The following TLL1 variants were observed in gnomAD, a reference collection of about 807,000 sequenced individuals.
TLL1 encodes tolloid-like protein 1.
A neutral mutation model predicts 128.2 loss-of-function variants in TLL1; 49 were observed. The observed-to-expected ratio is 0.38, with a 90% confidence interval of 0.30 to 0.48. The LOEUF (loss-of-function observed/expected upper bound fraction) is 0.48. Among genes scored for constraint, TLL1 ranks in the 20% least tolerant of loss-of-function variants. The pLI is 0.96. For synonymous variants in TLL1, 454 were observed against 418.8 expected (o/e 1.08, Z -1.03); for missense variants, 1,123 against 1,242.0 (o/e 0.90, Z 1.44).
intron 13 of TLL1, among the ~76,000 whole-genome samples, chr4:166,056,206 TAGA>T (rs1318929970): frequency 6.6e-6 from 1 of 152,094 alleles, no homozygotes; most frequent in Non-Finnish European, 1.5e-5. Flanking sequence ...ATATATTTCA[TAGA>T]AGAAACATGC....
At chr4:166,065,446 T>C (rs1011658725) in intron 15 of TLL1, among the ~76,000 whole-genome samples, 1 of 151,974 alleles carries the variant, frequency 6.6e-6, no homozygotes, top group Non-Finnish European at 1.5e-5. Flanking sequence ...TATAAAAATC[T>C]CTGAACTTCA....
intron 1 of TLL1, among the ~76,000 whole-genome samples, chr4:165,927,046 A>G (rs1733305414): frequency 6.6e-6 from 1 of 152,220 alleles, no homozygotes; most frequent in South Asian, 2.1e-4. Flanking sequence ...GTTATGCTGC[A>G]TATTTAGAAA....
intron 18 of TLL1, among the ~76,000 whole-genome samples, chr4:166,079,816 C>T (rs1741205446): frequency 6.6e-6 from 1 of 152,112 alleles, no homozygotes; most frequent in Non-Finnish European, 1.5e-5. Context: ...TTCCTCAACT[C>T]TTGGATATTC....
At position 165,994,571 on chromosome 4, in the gene TLL1, T is replaced by G. The variant is rs575764944; in HGVS notation, c.514+38T>G. On this transcript the variant is annotated intron_variant, in intron 4 of 20. Coordinates refer to ENST00000061240, the MANE Select transcript of TLL1 (RefSeq NM_012464.5). Reference sequence around the variant, plus strand: ...CAGCATGTCTGTTTTCATAAAGAAATAAAAACTATCATACAGATTAAGTGT... The same window carrying G: ...CAGCATGTCTGTTTTCATAAAGAAAGAAAAACTATCATACAGATTAAGTGT... The G allele has an allele frequency of 5.0e-6, 8 of 1,607,982 alleles. No homozygotes were observed. In the Admixed American group the frequency reaches 8.3e-5, roughly 17 times the overall value.
intron 7 of TLL1, among the ~76,000 whole-genome samples, chr4:166,010,648 T>C (rs569442702): frequency 6.6e-6 from 1 of 151,290 alleles, no homozygotes; most frequent in East Asian, 1.9e-4. Context: ...TGCTGTATGT[T>C]TGATGTCATC....
intron 1 of TLL1, among the ~76,000 whole-genome samples, chr4:165,968,694 A>G (rs377658504): frequency 1.5e-4 from 23 of 152,238 alleles, no homozygotes; most frequent in Admixed American, 5.2e-4. Context: ...TGTCATGTCA[A>G]TTTCTTTTAA....
chr4:165,971,886 TG>T (rs1301187543), intron 1 of TLL1, among the ~76,000 whole-genome samples: 9 of 152,242 alleles, frequency 5.9e-5, no homozygotes, highest in Non-Finnish European at 1.0e-4. Context: ...GTTAGCTCTC[TG>T]GGTTCCAGAA....
At chr4:165,908,344 C>A (rs1024729520) in intron 1 of TLL1, among the ~76,000 whole-genome samples, 1 of 152,078 alleles carries the variant, frequency 6.6e-6, no homozygotes, top group Non-Finnish European at 1.5e-5. Flanking sequence ...CATCCCAGCA[C>A]TTTGGGAGGC....
In TLL1 at chr4:166,042,097, T is replaced by C. The variant is rs768890251; in HGVS notation, c.1332T>C (p.Arg444=). Residue 444 remains arginine (R), a synonymous_variant, in exon 11 of 21, where the codon CGT becomes CGC. Transcript: ENST00000061240. ...ACAGCAGAATGTGGATTGAGTTTCG[T>C]AGCAGCAGTAATTGGGTAGGAAAAG... The part of the protein sequence containing the change: ...STDSRMWIEF[R]SSSNWVGKGF... The C allele has an allele frequency of 3.7e-6, 6 of 1,612,304 alleles. No individual in the cohort carries two copies. The Admixed American group carries it at 1.0e-4, about 27-fold the overall frequency.
At chr4:165,970,125 G>T (rs1735568226) in intron 1 of TLL1, among the ~76,000 whole-genome samples, 1 of 151,962 alleles carries the variant, frequency 6.6e-6, no homozygotes, top group Non-Finnish European at 1.5e-5. Context: ...CCTCTTTTTT[G>T]AATTAAGTTT....
intron 16 of TLL1, among the ~76,000 whole-genome samples, chr4:166,066,408 T>G (rs1202720027): frequency 6.6e-6 from 1 of 151,634 alleles, no homozygotes; most frequent in Admixed American, 6.6e-5. Context: ...TTTATAAAAC[T>G]CCCCAGATTT....
intron 9 of TLL1, among the ~76,000 whole-genome samples, chr4:166,032,422 A>G (rs996487764): frequency 7.9e-5 from 12 of 152,130 alleles, no homozygotes; most frequent in African/African-American, 2.9e-4. Flanking sequence ...GGGTTGCACT[A>G]TAAGATAGAA....
intron 1 of TLL1, among the ~76,000 whole-genome samples, chr4:165,906,635 T>C (rs1561020191): frequency 6.6e-6 from 1 of 152,172 alleles, no homozygotes; most frequent in Non-Finnish European, 1.5e-5. Context: ...AGATAAGATA[T>C]ATTTAATTAA....
chr4:165,896,272 T>G (rs1731676315), intron 1 of TLL1, among the ~76,000 whole-genome samples: 1 of 152,172 alleles, frequency 6.6e-6, no homozygotes, highest in Admixed American at 6.5e-5. Flanking sequence ...TTATCATTTT[T>G]TATGGCTGCA....
chr4:165,941,442 C>A (rs1579516595), intron 1 of TLL1, among the ~76,000 whole-genome samples: 1 of 151,908 alleles, frequency 6.6e-6, no homozygotes, highest in South Asian at 2.1e-4. Flanking sequence ...ATGGATGAAC[C>A]AAAAGTGCAA....
At chr4:166,047,437 T>C (rs1206307221) in intron 12 of TLL1, among the ~76,000 whole-genome samples, 1 of 150,860 alleles carries the variant, frequency 6.6e-6, no homozygotes. Context: ...GTGCTGGGAT[T>C]ACAGGTATGA....
rs141643683 is a variant in TLL1, at chr4:165,920,266, T to C, written c.169+46193T>C. 3.9e-5 allele frequency among the ~76,000 whole-genome samples: 6 copies of C among 152,330 alleles called. No individual in the cohort carries two copies. The East Asian group carries it at 7.7e-4, about 20-fold the overall frequency. ...TAATTTAAAAATTACTTGGACTTTA[T>C]AGCTAAGTAGAGAGCTTTATTTGTC... On this transcript the variant is annotated intron_variant, in intron 1 of 20. Transcript: ENST00000061240.
At chr4:166,091,713 T>G (rs1442682750) in intron 19 of TLL1, among the ~76,000 whole-genome samples, 16 of 152,102 alleles carry the variant, frequency 1.1e-4, no homozygotes, top group Non-Finnish European at 1.8e-4. Context: ...ATTAAAAATG[T>G]GTGTTTTATC....
intron 13 of TLL1, among the ~76,000 whole-genome samples, chr4:166,056,959 G>GT (rs904060550): frequency 1.3e-5 from 2 of 152,064 alleles, no homozygotes; most frequent in African/African-American, 4.8e-5. Context: ...AAGCATGGTA[G>GT]TTTTTTAGAA....
Sources: allele counts gnomAD v4.1 joint callset (sites outside exome capture counted in the v4.1 genomes callset), GRCh38; gene constraint gnomAD v4.1.1; transcripts MANE v1.5; gene names NCBI Gene and HGNC (gene_info 2026-07-23, HGNC 2026-07-21).